The following SGCZ variants were observed in gnomAD, a reference collection of about 807,000 sequenced individuals.
SGCZ encodes zeta-sarcoglycan.
SGCZ carries 40 observed loss-of-function variants against 41.3 expected under a neutral mutation model. The observed-to-expected ratio is 0.97, with a 90% confidence interval of 0.75 to 1.26. The LOEUF (loss-of-function observed/expected upper bound fraction) is 1.26. Among genes scored for constraint, SGCZ ranks in the 50% most tolerant of loss-of-function variants. The pLI is 0.00. For synonymous variants in SGCZ, 206 were observed against 137.5 expected (o/e 1.50, Z -3.49); for missense variants, 552 against 369.8 (o/e 1.49, Z -4.04).
chr8:14,798,849 C>T (rs1294289180), intron 1 of SGCZ, among the ~76,000 whole-genome samples: 1 of 151,718 alleles, frequency 6.6e-6, no homozygotes, highest in Non-Finnish European at 1.5e-5. Context: ...ATTAAAGCCA[C>T]CTGAAATGTG....
intron 4 of SGCZ, among the ~76,000 whole-genome samples, chr8:14,227,943 C>G (rs533646922): frequency 5.3e-5 from 8 of 152,038 alleles, no homozygotes; most frequent in Non-Finnish European, 1.2e-4. Context: ...TAGCTTCTCT[C>G]TCTCTCTACC....
At chr8:14,168,553 G>A (rs1047371322) in intron 4 of SGCZ, among the ~76,000 whole-genome samples, 5 of 152,032 alleles carry the variant, frequency 3.3e-5, no homozygotes, top group African/African-American at 1.2e-4. Context: ...TTATCTTCCC[G>A]GCTGCCACGT....
At chr8:15,141,392 T>G (rs1183620466) in intron 1 of SGCZ, among the ~76,000 whole-genome samples, 1 of 152,276 alleles carries the variant, frequency 6.6e-6, no homozygotes, top group East Asian at 1.9e-4. Context: ...TCAGCCATAT[T>G]ACATGAATGT....
intron 1 of SGCZ, among the ~76,000 whole-genome samples, chr8:14,888,083 A>G (rs1162335773): frequency 6.6e-6 from 1 of 152,182 alleles, no homozygotes; most frequent in Admixed American, 6.5e-5. Flanking sequence ...CCCCCTAAAT[A>G]TATATAATTT....
chr8:14,855,989 C>T (rs1803534442), intron 1 of SGCZ, among the ~76,000 whole-genome samples: 1 of 152,174 alleles, frequency 6.6e-6, no homozygotes, highest in Admixed American at 6.5e-5. Flanking sequence ...AATATAGTTA[C>T]CGACAATTCA....
chr8:14,402,379 A>G (rs1799102393), intron 2 of SGCZ, among the ~76,000 whole-genome samples: 1 of 151,734 alleles, frequency 6.6e-6, no homozygotes, highest in Non-Finnish European at 1.5e-5. Flanking sequence ...TATGTCCTGA[A>G]TGGTAATGCC....
intron 1 of SGCZ, among the ~76,000 whole-genome samples, chr8:14,843,030 T>C (rs545224198): frequency 4.1e-4 from 62 of 152,280 alleles, no homozygotes; most frequent in African/African-American, 1.5e-3. Flanking sequence ...CTGGCCAAAG[T>C]GGTGAAACCC....
At chr8:14,909,522 C>G (rs370367097) in intron 1 of SGCZ, among the ~76,000 whole-genome samples, 1 of 152,030 alleles carries the variant, frequency 6.6e-6, no homozygotes, top group African/African-American at 2.4e-5. Flanking sequence ...CTGTGCTAAC[C>G]ATTCCCAAGT....
At chr8:14,263,350 A>G (rs889946903) in intron 3 of SGCZ, among the ~76,000 whole-genome samples, 1 of 152,044 alleles carries the variant, frequency 6.6e-6, no homozygotes. Context: ...GGAGTTTGAA[A>G]CCAGCCTGGC....
chr8:14,634,122 G>C (rs1313044331), intron 1 of SGCZ, among the ~76,000 whole-genome samples: 1 of 151,668 alleles, frequency 6.6e-6, no homozygotes, highest in Non-Finnish European at 1.5e-5. Context: ...ATTCTACTGT[G>C]ATATTCTATT....
At chr8:15,176,901 T>C (rs1034726218) in intron 1 of SGCZ, among the ~76,000 whole-genome samples, 3 of 152,088 alleles carry the variant, frequency 2.0e-5, no homozygotes, top group Admixed American at 6.5e-5. Context: ...CTCAGGAGGC[T>C]GAGGCAGGAC....
At chr8:14,336,366 G>A (rs1043174327) in intron 2 of SGCZ, among the ~76,000 whole-genome samples, 3 of 152,084 alleles carry the variant, frequency 2.0e-5, no homozygotes, top group African/African-American at 7.2e-5. Context: ...TTGATTCTAT[G>A]TCTTTGATAT....
intron 2 of SGCZ, among the ~76,000 whole-genome samples, chr8:14,371,953 T>G (rs1266485828): frequency 6.6e-6 from 1 of 151,938 alleles, no homozygotes; most frequent in Admixed American, 6.6e-5. Context: ...TGGGCTGACA[T>G]AAACTGGAGA....
At chr8:14,670,790 C>T (rs1808077448) in intron 1 of SGCZ, among the ~76,000 whole-genome samples, 1 of 152,178 alleles carries the variant, frequency 6.6e-6, no homozygotes, top group African/African-American at 2.4e-5. Flanking sequence ...GATGATGAAA[C>T]TGGGACCTAA....
At chr8:14,607,722 A>T (rs1450130451) in intron 1 of SGCZ, among the ~76,000 whole-genome samples, 1 of 152,176 alleles carries the variant, frequency 6.6e-6, no homozygotes, top group African/African-American at 2.4e-5. Context: ...AGAAAAGATA[A>T]ATATAAAGTT....
chr8:14,108,291 A>C, intron 5 of SGCZ, 56 bp from the exon 6 acceptor site: 1 of 1,490,732 alleles, frequency 6.7e-7, no homozygotes, highest in Non-Finnish European at 9.3e-7. Context: ...AGTGGCTTTC[A>C]TCTCTATGTT....
chr8:14,271,048 G>A (rs1445042219), intron 3 of SGCZ, among the ~76,000 whole-genome samples: 1 of 152,178 alleles, frequency 6.6e-6, no homozygotes, highest in Non-Finnish European at 1.5e-5. Flanking sequence ...GGCCTGTTGT[G>A]AGGTGGGCGG....
At chr8:15,179,758 C>T (rs1305715037) in intron 1 of SGCZ, among the ~76,000 whole-genome samples, 2 of 152,048 alleles carry the variant, frequency 1.3e-5, no homozygotes, top group African/African-American at 2.4e-5. Flanking sequence ...GGAGAATTAA[C>T]AAGACATTAG....
chr8:15,196,959 CTG>C (rs1800751850), intron 1 of SGCZ, among the ~76,000 whole-genome samples: 3 of 152,186 alleles, frequency 2.0e-5, no homozygotes. Flanking sequence ...GCAGGACAGA[CTG>C]TATTATTTAC....
Sources: gnomAD v4.1 joint callset for allele counts (sites outside exome capture counted in the v4.1 genomes callset) on GRCh38, gnomAD v4.1.1 for gene constraint, MANE v1.5 for transcripts, NCBI Gene and HGNC (gene_info 2026-07-23, HGNC 2026-07-21) for gene names.